The following ZNF609 variants were observed in gnomAD, a reference collection of about 807,000 sequenced individuals.
ZNF609 encodes the protein zinc finger protein 609.
ZNF609 carries 11 observed loss-of-function variants against 109.5 expected under a neutral mutation model. That is an observed-to-expected ratio of 0.10 (90% CI 0.06 to 0.17). The LOEUF (loss-of-function observed/expected upper bound fraction) is 0.17. Ranked by LOEUF, ZNF609 falls within the 10% of genes least tolerant of loss-of-function variation. ZNF609 has a pLI of 1.00. For synonymous variants in ZNF609, 646 were observed against 662.0 expected (o/e 0.98, Z 0.37); for missense variants, 1,559 against 1,772.4 (o/e 0.88, Z 2.16).
chr15:64,561,552 C>CTTTTTTTTTTTTTTTTT (rs771022478), intron 2 of ZNF609, among the ~76,000 whole-genome samples: 3 of 129,896 alleles, frequency 2.3e-5, no homozygotes, highest in Non-Finnish European at 3.3e-5. Context: ...TTTTCTTTTT[C>CTTTTTTTTTTTTTTTTT]TTTTTTTTTT....
intron 3 of ZNF609, among the ~76,000 whole-genome samples, chr15:64,649,957 G>T (rs144252361): frequency 6.6e-6 from 1 of 152,022 alleles, no homozygotes; most frequent in Admixed American, 6.6e-5. Flanking sequence ...CAGTCATAGG[G>T]ACACACTTTG....
rs1896804692 is a variant in ZNF609, at chr15:64,675,989, A to G, written c.3135A>G (p.Ser1045=). ...AGGAAGAGTGGAAGCAAAAGCCGTC[A>G]ATTCCACCAACTCTCACCAAGGCCC... ...ALKEEWKQKP[S]IPPTLTKAPS... Residue 1045 remains serine (S), a synonymous_variant, in exon 5 of 10, where the codon TCA becomes TCG. Transcript: ENST00000326648. 17 of 1,614,224 alleles carry G rather than the reference A, an allele frequency of 1.1e-5. No individual in the cohort carries two copies. The highest frequency in any genetic ancestry group is 1.4e-5 in the Non-Finnish European group (17 of 1,180,038).
chr15:64,580,415 T>G (rs1298340248), intron 2 of ZNF609, among the ~76,000 whole-genome samples: 1 of 152,180 alleles, frequency 6.6e-6, no homozygotes, highest in East Asian at 1.9e-4. Flanking sequence ...GGGAGTTAGC[T>G]TTACTAACAT....
intron 3 of ZNF609, among the ~76,000 whole-genome samples, chr15:64,649,758 G>A (rs1365250848): frequency 1.3e-5 from 2 of 152,054 alleles, no homozygotes; most frequent in Non-Finnish European, 2.9e-5. Context: ...ACATGAAGTG[G>A]CACAACATTC....
At chr15:64,589,376 TCAG>T (rs112200625) in intron 2 of ZNF609, among the ~76,000 whole-genome samples, 113 of 152,096 alleles carry the variant, frequency 7.4e-4, no homozygotes, top group African/African-American at 2.5e-3. Context: ...AACAGAAACT[TCAG>T]CAGCAGCAGC....
chr15:64,667,678 C>T (rs922886751), intron 3 of ZNF609, among the ~76,000 whole-genome samples: 6 of 151,818 alleles, frequency 4.0e-5, no homozygotes, highest in South Asian at 2.1e-4. Flanking sequence ...GGCCATTGCA[C>T]TTCAGCCTGG....
At position 64,674,135 on chromosome 15, in the gene ZNF609, T is replaced by G; in HGVS notation, c.1281T>G (p.Ser427=). 6.2e-7 allele frequency: 1 copy of G among 1,614,178 alleles called. No homozygotes were observed. Among genetic ancestry groups the G allele is most frequent in the East Asian group, 2.2e-5 (1 of 44,880 alleles). ...ACCGCCCACCTGCCAGCAGCACTTC[T>G]GAGGATGTCAAGGCCAGCCCTTCCT... The part of the protein sequence containing the change: ...SEHRPPASST[S]EDVKASPSSA... The change falls in exon 5 of 10, where the codon TCT becomes TCG. Residue 427 remains serine, a synonymous_variant. Coordinates refer to ENST00000326648, the MANE Select transcript of ZNF609 (RefSeq NM_015042.2).
chr15:64,541,839 CAAAAAAAAA>C (rs59597800), intron 2 of ZNF609, among the ~76,000 whole-genome samples: 7 of 42,206 alleles, frequency 1.7e-4, no homozygotes, highest in Admixed American at 5.3e-4. Flanking sequence ...GACTCCAACT[CAAAAAAAAA>C]AAAAAAAAAA....
chr15:64,588,272 AAC>A (rs1491156633), intron 2 of ZNF609, among the ~76,000 whole-genome samples: 13 of 149,066 alleles, frequency 8.7e-5, no homozygotes, highest in African/African-American at 2.9e-4. Context: ...AAAAAAAAAA[AAC>A]AAAAATTAGC....
intron 3 of ZNF609, among the ~76,000 whole-genome samples, chr15:64,645,266 T>C (rs1595750940): frequency 6.6e-6 from 1 of 151,858 alleles, no homozygotes; most frequent in South Asian, 2.1e-4. Flanking sequence ...AATTTTTCTA[T>C]TTTTTGTAGA....
Position 64,680,818 on chromosome 15 carries a change from G to A in ZNF609, c.4118G>A (p.Gly1373Glu). Residue 1373 changes from glycine (G) to glutamate (E), a missense_variant, in exon 8 of 10, where the codon GGG (glycine) becomes GAG (glutamate). By Grantham distance (98) the Gly-to-Glu change is moderately conservative. Transcript: ENST00000326648. ...ACACACCACCACCACCACCACTTGG[G>A]GTACTCATTGCTCCCAGCACAGTAC... ...MSTHHHHHHL[G>E]YSLLPAQYNL... is the part of the protein sequence containing the mutation. 1 of 1,612,890 alleles carries A rather than the reference G, an allele frequency of 6.2e-7. No individual in the cohort carries two copies. Among genetic ancestry groups the A allele is most frequent in the Non-Finnish European group, 8.5e-7 (1 of 1,179,990 alleles).
intron 2 of ZNF609, among the ~76,000 whole-genome samples, chr15:64,587,984 C>T (rs1895225640): frequency 6.6e-6 from 1 of 151,672 alleles, no homozygotes; most frequent in Non-Finnish European, 1.5e-5. Flanking sequence ...AGGTGATCTG[C>T]CCGCCTCAGC....
chr15:64,678,634 C>A, intron 6 of ZNF609, 152 bp downstream of exon 6: 1 of 1,050,338 alleles, frequency 9.5e-7, no homozygotes, highest in Non-Finnish European at 1.3e-6. Context: ...GTGAGGTGGC[C>A]ACCATAACCC....
At chr15:64,525,651 A>G (rs1211955108) in intron 2 of ZNF609, among the ~76,000 whole-genome samples, 2 of 152,206 alleles carry the variant, frequency 1.3e-5, no homozygotes, top group Non-Finnish European at 1.5e-5. Flanking sequence ...TCTGTCAGTC[A>G]GTTTGGAGAG....
intron 2 of ZNF609, among the ~76,000 whole-genome samples, chr15:64,619,635 A>G (rs114319769): frequency 0.013 from 1,978 of 152,336 alleles, 32 homozygotes; most frequent in African/African-American, 0.046. Flanking sequence ...AAGTAATTAA[A>G]TAAAGTCATC....
At chr15:64,612,994 A>G (rs1303992533) in intron 2 of ZNF609, among the ~76,000 whole-genome samples, 1 of 151,806 alleles carries the variant, frequency 6.6e-6, no homozygotes, top group Non-Finnish European at 1.5e-5. Context: ...CAGCCTGGGC[A>G]ACAGAGTGAG....
intron 2 of ZNF609, among the ~76,000 whole-genome samples, chr15:64,527,187 C>A (rs1006966297): frequency 6.7e-6 from 1 of 150,286 alleles, no homozygotes; most frequent in African/African-American, 2.5e-5. Context: ...TTCATGCTTT[C>A]TGTTCATCAC....
chr15:64,513,943 T>C (rs1253918079), intron 2 of ZNF609, among the ~76,000 whole-genome samples: 1 of 151,944 alleles, frequency 6.6e-6, no homozygotes, highest in African/African-American at 2.4e-5. Flanking sequence ...AACTAAAAAA[T>C]TAGCTGGGTG....
intron 2 of ZNF609, among the ~76,000 whole-genome samples, chr15:64,540,173 T>C (rs1302197274): frequency 6.6e-6 from 1 of 152,194 alleles, no homozygotes; most frequent in East Asian, 1.9e-4. Flanking sequence ...TCTTCATCTT[T>C]TCTTCCCCAC....
Sources: allele counts gnomAD v4.1 joint callset (sites outside exome capture counted in the v4.1 genomes callset), GRCh38; gene constraint gnomAD v4.1.1; transcripts MANE v1.5; gene names NCBI Gene and HGNC (gene_info 2026-07-23, HGNC 2026-07-21).